The following FARS2 variants were observed in gnomAD, a reference collection of about 807,000 sequenced individuals.
FARS2 encodes phenylalanyl-tRNA synthetase 2, mitochondrial.
Under a neutral mutation model 46.4 loss-of-function variants are expected in FARS2, and 40 were observed. The ratio of observed to expected loss-of-function variants is 0.86; its 90% CI spans 0.67 to 1.12. FARS2 has a LOEUF of 1.12. Among genes scored for constraint, FARS2 ranks in the 50% most tolerant of loss-of-function variants. The pLI is 0.00. For missense variants in FARS2, 513 were observed against 567.9 expected (o/e 0.90, Z 0.98); for synonymous variants, 234 against 214.9 (o/e 1.09, Z -0.78).
At chr6:5,406,324 A>G (rs1761592801) in intron 3 of FARS2, among the ~76,000 whole-genome samples, 1 of 152,212 alleles carries the variant, frequency 6.6e-6, no homozygotes, top group Admixed American at 6.5e-5. Flanking sequence ...ACAGTCTTAC[A>G]AGTTTTGACG....
chr6:5,694,717 G>C (rs1582783651), intron 6 of FARS2, among the ~76,000 whole-genome samples: 1 of 151,958 alleles, frequency 6.6e-6, no homozygotes, highest in East Asian at 1.9e-4. Context: ...GGAATGCCAT[G>C]TAACGGCCAG....
intron 5 of FARS2, among the ~76,000 whole-genome samples, chr6:5,572,307 TG>T (rs1407369636): frequency 6.6e-6 from 1 of 152,002 alleles, no homozygotes; most frequent in African/African-American, 2.4e-5. Context: ...GAGAGACAGT[TG>T]GGGGTGGGGA....
rs1761490113 is a variant in FARS2, at chr6:5,405,093, G to A, written c.772+392G>A. Among the ~76,000 whole-genome samples the A allele has an allele frequency of 2.0e-5, 3 of 152,230 alleles. 1 individual carries two copies. The South Asian group carries it at 6.2e-4, about 32-fold the overall frequency. Reference sequence around the variant, plus strand: ...ATTACAGGCATGAGCCACCGCGCCAGGCCTGAAATTCTTGCATATACATAA... The same window carrying A: ...ATTACAGGCATGAGCCACCGCGCCAAGCCTGAAATTCTTGCATATACATAA... On this transcript the variant is annotated intron_variant, in intron 3 of 6. Transcript: ENST00000274680.
intron 6 of FARS2, among the ~76,000 whole-genome samples, chr6:5,713,294 A>G (rs1310188942): frequency 2.6e-5 from 4 of 152,250 alleles, no homozygotes; most frequent in Non-Finnish European, 4.4e-5. Flanking sequence ...GGGCAAAGTA[A>G]TACAGTACCC....
intron 5 of FARS2, among the ~76,000 whole-genome samples, chr6:5,604,605 C>T (rs1376516930): frequency 6.6e-6 from 1 of 152,130 alleles, no homozygotes; most frequent in African/African-American, 2.4e-5. Context: ...CCATAAAAGG[C>T]AGACTTTTTA....
chr6:5,553,231 A>G (rs1261964283), intron 5 of FARS2, among the ~76,000 whole-genome samples: 2 of 152,162 alleles, frequency 1.3e-5, no homozygotes, highest in African/African-American at 4.8e-5. Context: ...GGAGTCTCAA[A>G]TACTTATCAC....
At chr6:5,717,925 T>TAGAGAGAG (rs759754794) in intron 6 of FARS2, among the ~76,000 whole-genome samples, 1 of 45,568 alleles carries the variant, frequency 2.2e-5, no homozygotes, top group Admixed American at 1.8e-4. Flanking sequence ...TATATATATA[T>TAGAGAGAG]ATATATATAT....
chr6:5,257,886 A>T (rs1764756966), upstream of FARS2, among the ~76,000 whole-genome samples: 1 of 152,176 alleles, frequency 6.6e-6, no homozygotes, highest in Non-Finnish European at 1.5e-5. Context: ...GATGTTTTGT[A>T]GAAGCACTGA....
chr6:5,416,682 CA>C (rs755922635), intron 3 of FARS2, among the ~76,000 whole-genome samples: 9 of 152,244 alleles, frequency 5.9e-5, no homozygotes, highest in East Asian at 1.9e-4. Flanking sequence ...CTATGAGTAA[CA>C]TTTTTTTTCT....
rs1763048299 is a variant in FARS2, at chr6:5,771,493, A to G, written c.*64A>G. ...CCAGGATTTGCTGAAAGAGAAAAAG[A>G]TATGGTTTGTGAACTGGGGCATCAA... is the stretch of plus-strand genomic sequence containing the variant. On this transcript the variant is annotated 3_prime_UTR_variant, in exon 7 of 7. Transcript: ENST00000274680. 2 of 1,543,566 alleles carry G rather than the reference A, an allele frequency of 1.3e-6. No individual in the cohort carries two copies. The highest frequency in any genetic ancestry group is 2.3e-5 in the East Asian group (1 of 43,964).
At chr6:5,647,458 G>A (rs1777135327) in intron 6 of FARS2, among the ~76,000 whole-genome samples, 2 of 152,206 alleles carry the variant, frequency 1.3e-5, no homozygotes, top group African/African-American at 4.8e-5. Flanking sequence ...GAAAGGTAGA[G>A]CATGTTCACT....
chr6:5,560,589 T>G (rs1771929138), intron 5 of FARS2, among the ~76,000 whole-genome samples: 1 of 152,176 alleles, frequency 6.6e-6, no homozygotes, highest in Non-Finnish European at 1.5e-5. Context: ...AAAACTAGTT[T>G]AGAAGTATTT....
intron 1 of FARS2, among the ~76,000 whole-genome samples, chr6:5,264,066 G>A (rs1329034129): frequency 6.6e-6 from 1 of 152,018 alleles, no homozygotes; most frequent in African/African-American, 2.4e-5. Context: ...ACATCATAGC[G>A]AAACCTCACC....
chr6:5,599,302 A>G (rs1774376549), intron 5 of FARS2, among the ~76,000 whole-genome samples: 1 of 152,196 alleles, frequency 6.6e-6, no homozygotes, highest in Admixed American at 6.5e-5. Context: ...ACGTGAGTTC[A>G]CTTAAAGTAC....
intron 5 of FARS2, among the ~76,000 whole-genome samples, chr6:5,546,956 T>A (rs1771065300): frequency 6.6e-6 from 1 of 151,684 alleles, no homozygotes; most frequent in Non-Finnish European, 1.5e-5. Context: ...TATTTTATTT[T>A]ATTTATTTAT....
At chr6:5,615,707 G>C (rs1775434221) in intron 6 of FARS2, among the ~76,000 whole-genome samples, 2 of 151,956 alleles carry the variant, frequency 1.3e-5, no homozygotes, top group African/African-American at 4.8e-5. Context: ...ATATTTGAAT[G>C]CATTGGGTTT....
chr6:5,620,157 G>A (rs1030603386), intron 6 of FARS2, among the ~76,000 whole-genome samples: 5 of 151,614 alleles, frequency 3.3e-5, no homozygotes, highest in African/African-American at 9.7e-5. Flanking sequence ...CAGAATCCCC[G>A]GCCTCTACTC....
At chr6:5,377,590 G>A (rs74444015) in intron 2 of FARS2, among the ~76,000 whole-genome samples, 8,413 of 152,182 alleles carry the variant, frequency 0.055, 267 homozygotes, top group Middle Eastern at 0.15. Context: ...ATACAAGAAT[G>A]TGCATATCTG....
chr6:5,463,369 C>G (rs1028084707), intron 4 of FARS2, among the ~76,000 whole-genome samples: 1 of 152,126 alleles, frequency 6.6e-6, no homozygotes, highest in Non-Finnish European at 1.5e-5. Context: ...AGGAACCTTT[C>G]CTTTGTCCTT....
Sources: gnomAD v4.1 joint callset for allele counts (sites outside exome capture counted in the v4.1 genomes callset) on GRCh38, gnomAD v4.1.1 for gene constraint, MANE v1.5 for transcripts, NCBI Gene and HGNC (gene_info 2026-07-23, HGNC 2026-07-21) for gene names.